SETD5: variants seen among roughly 807,000 people sequenced by gnomAD.
SETD5 encodes the protein SET domain containing 5, also known as histone-lysine N-methyltransferase SETD5.
In SETD5, 44 loss-of-function variants were observed where a neutral mutation model predicts 153.3. The ratio of observed to expected loss-of-function variants is 0.29; its 90% CI spans 0.23 to 0.37. The LOEUF is 0.37. Ranked by LOEUF, SETD5 falls within the 10% of genes least tolerant of loss-of-function variation. The pLI, the probability that SETD5 is intolerant of heterozygous loss-of-function variation, is 1.00. For missense variants in SETD5, 1,544 were observed against 1,768.0 expected (o/e 0.87, Z 2.27); for synonymous variants, 716 against 645.2 (o/e 1.11, Z -1.66).
chr3:9,453,081 G>A (rs1199117059), intron 16 of SETD5, among the ~76,000 whole-genome samples: 1 of 152,108 alleles, frequency 6.6e-6, no homozygotes, highest in East Asian at 1.9e-4. Context: ...ACTTGTGACT[G>A]ATAGGTCTTC....
chr3:9,430,427 T>A (rs149208513), intron 3 of SETD5: 1 of 813,782 alleles, frequency 1.2e-6, no homozygotes, highest in African/African-American at 1.9e-5. Flanking sequence ...AGCTTTTTTC[T>A]TCTTTTGTTT....
chr3:9,471,702 T>C (rs528123147), intron 19 of SETD5, among the ~76,000 whole-genome samples: 1 of 152,248 alleles, frequency 6.6e-6, no homozygotes, highest in African/African-American at 2.4e-5. Context: ...AAAAATATGC[T>C]TTTGTATAAG....
intron 20 of SETD5, 99 bp from the exon 21 acceptor site, chr3:9,474,350 T>G (rs2045639264): frequency 1.5e-6 from 2 of 1,360,802 alleles, no homozygotes; most frequent in Non-Finnish European, 2.0e-6. Context: ...AAGTAATGTT[T>G]AAGAGGATGT....
intron 1 of SETD5, among the ~76,000 whole-genome samples, chr3:9,402,324 T>C (rs1439953628): frequency 1.3e-5 from 2 of 152,142 alleles, no homozygotes; most frequent in African/African-American, 4.8e-5. Context: ...ACAATGAAGG[T>C]AAGCTCAGTC....
rs1414369966 is a variant in SETD5 at position 9,440,422 on chromosome 3, A to G, written c.568-34A>G. On this transcript the variant is annotated intron_variant, in intron 7 of 22. Transcript: ENST00000402198. ...TTCCCAACCCTCTATTTATGCATGG[A>G]CTTTACTAACCTCCCTGAATTTGTT... 11 of 1,174,768 alleles carry G rather than the reference A, an allele frequency of 9.4e-6. No individual in the cohort carries two copies. The South Asian group carries it at 1.4e-4, about 14-fold the overall frequency. 72.8% of individuals were successfully genotyped at this position (1,174,768 alleles called of 1,614,324 possible).
At chr3:9,466,461 T>C (rs1288092692) in intron 18 of SETD5, among the ~76,000 whole-genome samples, 1 of 152,112 alleles carries the variant, frequency 6.6e-6, no homozygotes, top group Non-Finnish European at 1.5e-5. Flanking sequence ...TTGGTGATCA[T>C]TTTAATAATA....
intron 7 of SETD5, chr3:9,436,927 C>CT: frequency 6.5e-7 from 1 of 1,539,872 alleles, no homozygotes; most frequent in Non-Finnish European, 8.8e-7. Context: ...TTTTACTTCA[C>CT]TGTGATCTTG....
At chr3:9,449,831 T>C (rs1043743127) in intron 16 of SETD5, among the ~76,000 whole-genome samples, 2 of 152,226 alleles carry the variant, frequency 1.3e-5, no homozygotes, top group African/African-American at 4.8e-5. Context: ...CTCATTGGTT[T>C]GTTCGGGGAA....
In SETD5 at chr3:9,477,035, C is replaced by G. The variant is rs1426249341; in HGVS notation, c.*944C>G. 1 of 152,660 alleles carries G rather than the reference C, an allele frequency of 6.6e-6. No homozygotes were observed. Among genetic ancestry groups the G allele is most frequent in the Non-Finnish European group, 1.5e-5 (1 of 68,054 alleles). 9.5% of individuals were successfully genotyped at this position (152,660 alleles called of 1,614,324 possible). On this transcript the variant is annotated 3_prime_UTR_variant, in exon 23 of 23. Coordinates refer to ENST00000402198, the MANE Select transcript of SETD5 (RefSeq NM_001080517.3). ...TTGATGATCCCATGAGCAGGACCGC[C>G]TCCATGATTGGGGAGCATGCACTTG...
In SETD5 at chr3:9,442,166, G is replaced by A. The variant is rs2041372515; in HGVS notation, c.998G>A (p.Gly333Asp). The change falls in exon 10 of 23, where the codon GGT (glycine) becomes GAT (aspartate). Residue 333 changes from glycine to aspartate, a missense_variant. Gly to Asp is a moderately conservative substitution (Grantham distance 94). Coordinates refer to ENST00000402198, the MANE Select transcript of SETD5 (RefSeq NM_001080517.3). ...GTGCTCTTCTACTCAAAATTCAATG[G>A]TGTAGAGATGTGTGTGGATGCCCGT... Reference protein sequence around the residue: ...PFVLFYSKFNGVEMCVDARTF... With the variant: ...PFVLFYSKFNDVEMCVDARTF... 1.2e-6 allele frequency: 2 copies of A among 1,612,854 alleles called. No individual in the cohort carries two copies. Among genetic ancestry groups the A allele is most frequent in the African/African-American group, 2.7e-5 (2 of 74,896 alleles).
chr3:9,445,475 C>T, intron 12 of SETD5, 175 bp downstream of exon 12: 1 of 931,852 alleles, frequency 1.1e-6, no homozygotes. Context: ...CAAAAACATC[C>T]TTTGCTGGTT....
At chr3:9,419,073 C>T (rs144978150) in intron 1 of SETD5, among the ~76,000 whole-genome samples, 7,572 of 152,062 alleles carry the variant, frequency 0.05, 302 homozygotes, top group Admixed American at 0.11. Context: ...GTGATCCACC[C>T]GCCTTGGCCT....
chr3:9,417,707 G>T (rs998535970), intron 1 of SETD5, among the ~76,000 whole-genome samples: 1 of 151,492 alleles, frequency 6.6e-6, no homozygotes, highest in African/African-American at 2.4e-5. Flanking sequence ...GGATGGTCTC[G>T]ATCTCCTGAC....
chr3:9,399,039 T>A (rs984102244), intron 1 of SETD5, among the ~76,000 whole-genome samples: 4 of 152,222 alleles, frequency 2.6e-5, no homozygotes, highest in African/African-American at 4.8e-5. Context: ...GCTTTGTCTA[T>A]ATTTAAGTTC....
intron 2 of SETD5, among the ~76,000 whole-genome samples, chr3:9,427,899 T>G (rs1346350371): frequency 6.6e-6 from 1 of 152,254 alleles, no homozygotes; most frequent in Non-Finnish European, 1.5e-5. Context: ...TTTTTTATAC[T>G]TCAGTAATTT....
At chr3:9,415,107 T>C (rs1247207604) in intron 1 of SETD5, among the ~76,000 whole-genome samples, 1 of 152,166 alleles carries the variant, frequency 6.6e-6, no homozygotes, top group African/African-American at 2.4e-5. Context: ...ATGGGAAAGT[T>C]TAAATATGGT....
In SETD5 at chr3:9,475,898, G is replaced by T; in HGVS notation, c.4136G>T (p.Arg1379Met). ...TCCACCTCCTTTCCTCAGAACTCTA[G>T]GTCGTCATTGCCATCAGACTTACGG... is the stretch of plus-strand genomic sequence containing the variant. The part of the protein sequence containing the change: ...LSSTSFPQNS[R>M]SSLPSDLRTI... The change falls in exon 23 of 23, where the codon AGG becomes ATG. Residue 1379 changes from arginine to methionine, a missense_variant. By Grantham distance (91) the Arg-to-Met change is moderately conservative. This residue lies in a region of SETD5 where 302 missense variants were observed against 277.6 expected (regional missense o/e 1.09). Coordinates refer to ENST00000402198, the MANE Select transcript of SETD5 (RefSeq NM_001080517.3). 6.2e-7 allele frequency: 1 copy of T among 1,614,020 alleles called. No homozygotes were observed. The highest frequency in any genetic ancestry group is 8.5e-7 in the Non-Finnish European group (1 of 1,179,896).
chr3:9,419,518 A>T (rs1310361180), intron 1 of SETD5, among the ~76,000 whole-genome samples: 1 of 152,138 alleles, frequency 6.6e-6, no homozygotes, highest in East Asian at 1.9e-4. Flanking sequence ...GTGAGCTGTG[A>T]TTGCACCAAA....
intron 8 of SETD5, 123 bp from the exon 9 acceptor site, chr3:9,441,470 C>A: frequency 1.2e-6 from 1 of 846,310 alleles, no homozygotes; most frequent in South Asian, 2.3e-5. Context: ...CATCATTGAT[C>A]TAAATAACAT....
Sources: allele counts gnomAD v4.1 joint callset (sites outside exome capture counted in the v4.1 genomes callset), GRCh38; gene constraint gnomAD v4.1.1; regional missense constraint gnomAD v4.1.1; transcripts MANE v1.5; gene names NCBI Gene and HGNC (gene_info 2026-07-23, HGNC 2026-07-21).